Variants in TBC1D9 observed in about 807,000 individuals in gnomAD.
TBC1D9 encodes TBC1 domain family member 9, also known as TBC1 domain family member 9A.
In TBC1D9, 63 loss-of-function variants were observed where a neutral mutation model predicts 132.0. The observed-to-expected ratio is 0.48, with a 90% CI of 0.39 to 0.59. The LOEUF is 0.59. TBC1D9 is among the 20% of genes least tolerant of loss of function. The pLI is 0.00. For synonymous variants in TBC1D9, 610 were observed against 609.9 expected, an observed-to-expected ratio of 1.00 and a Z score of 0.00; for missense variants, 1,261 against 1,592.7, an observed-to-expected ratio of 0.79 and a Z score of 3.54.
intron 9 of TBC1D9, 63 bp from the exon 10 acceptor site, chr4:140,662,170 T>C: frequency 1.5e-6 from 2 of 1,304,158 alleles, no homozygotes; most frequent in Non-Finnish European, 2.2e-6. Context: ...GGTTTGCAAC[T>C]ACAGCTTATG....
intron 15 of TBC1D9, among the ~76,000 whole-genome samples, chr4:140,634,736 T>G (rs1736850969): frequency 1.3e-5 from 2 of 152,204 alleles, no homozygotes; most frequent in African/African-American, 4.8e-5. Context: ...CATAACCCCC[T>G]GCTTCCCTGC....
chr4:140,622,359 A>G lies in TBC1D9; in HGVS notation c.3637T>C (p.Phe1213Leu). Residue 1213 changes from phenylalanine to leucine, a missense_variant, in exon 21 of 21, where the codon TTC (phenylalanine) becomes CTC (leucine). Physicochemically the swap from Phe to Leu is conservative, Grantham distance 22. Coordinates refer to ENST00000442267, the MANE Select transcript of TBC1D9 (RefSeq NM_015130.3). ...TSLDRDWAIT[F>L]EQFLASLLTE... is the part of the protein sequence containing the mutation. ...AAGAGGGAGGCCAGGAACTGCTCGAAGGTGATGGCCCAGTCCCGGTCCAGG... is the reference window on the plus strand; with the variant it reads ...AAGAGGGAGGCCAGGAACTGCTCGAGGGTGATGGCCCAGTCCCGGTCCAGG... The G allele has an allele frequency of 6.2e-7, 1 of 1,613,600 alleles. No individual in the cohort carries two copies. Among genetic ancestry groups the G allele is most frequent in the Non-Finnish European group, 8.5e-7 (1 of 1,179,564 alleles).
chr4:140,679,618 C>T lies in TBC1D9; in HGVS notation c.586G>A (p.Glu196Lys). Reference protein sequence around the residue: ...LCFYSFLMGREAKLVIRWVDI... With the variant: ...LCFYSFLMGRKAKLVIRWVDI... ...GCTGAAATTTTAGATGACTTACCTT[C>T]CCTTCCCATAAGAAAAGAATAAAAG... The change falls in exon 4 of 21, where the codon GAA becomes AAA. Residue 196 changes from glutamate (E) to lysine (K), a missense_variant. By Grantham distance (56) the Glu-to-Lys change is moderately conservative. This residue lies in a region of TBC1D9 where 550 missense variants were observed against 699.0 expected (regional missense o/e 0.79). Transcript: ENST00000442267. 1 of 1,610,990 alleles carries T rather than the reference C, an allele frequency of 6.2e-7. No homozygotes were observed. Among genetic ancestry groups the T allele is most frequent in the Non-Finnish European group, 8.5e-7 (1 of 1,177,586 alleles).
intron 13 of TBC1D9, among the ~76,000 whole-genome samples, chr4:140,654,933 AATTTG>A (rs1315763790): frequency 6.6e-6 from 1 of 152,150 alleles, no homozygotes; most frequent in Non-Finnish European, 1.5e-5. Context: ...TAATACTGAA[AATTTG>A]GAAGAAATCG....
At chr4:140,632,394 G>A (rs1383185278) in intron 16 of TBC1D9, among the ~76,000 whole-genome samples, 1 of 151,924 alleles carries the variant, frequency 6.6e-6, no homozygotes, top group African/African-American at 2.4e-5. Flanking sequence ...TTTTAAAAAA[G>A]CAGACTGTAC....
chr4:140,674,205 A>G (rs956826378), intron 6 of TBC1D9, among the ~76,000 whole-genome samples: 1 of 152,180 alleles, frequency 6.6e-6, no homozygotes, highest in Non-Finnish European at 1.5e-5. Flanking sequence ...TGGTGAAAAA[A>G]CTTACAAAAT....
chr4:140,708,661 A>G (rs1053687779), intron 1 of TBC1D9, among the ~76,000 whole-genome samples: 1 of 152,160 alleles, frequency 6.6e-6, no homozygotes, highest in African/African-American at 2.4e-5. Context: ...TCAGCTCCAT[A>G]ATTATAAATG....
chr4:140,673,359 C>G (rs913279839), intron 6 of TBC1D9, among the ~76,000 whole-genome samples: 1 of 152,044 alleles, frequency 6.6e-6, no homozygotes, highest in South Asian at 2.1e-4. Context: ...AACAACAATT[C>G]TTGGTCTATA....
intron 6 of TBC1D9, 51 bp from the exon 7 acceptor site, chr4:140,670,977 A>AT: frequency 6.6e-7 from 1 of 1,508,474 alleles, no homozygotes; most frequent in Non-Finnish European, 9.2e-7. Flanking sequence ...ATTACCCAAT[A>AT]GCAGCCTATA....
intron 18 of TBC1D9, among the ~76,000 whole-genome samples, chr4:140,625,912 C>A (rs1284987684): frequency 6.6e-6 from 1 of 152,146 alleles, no homozygotes; most frequent in Non-Finnish European, 1.5e-5. Flanking sequence ...GATTCTAAGA[C>A]AGTTTTGGCT....
Position 140,670,887 on chromosome 4 carries a change from G to A in TBC1D9, c.1099C>T (p.Pro367Ser). The change falls in exon 7 of 21, where the codon CCC becomes TCC. Residue 367 changes from proline (P) to serine (S), a missense_variant. This residue lies in a region of TBC1D9 where 550 missense variants were observed against 699.0 expected (regional missense o/e 0.79). Transcript: ENST00000442267. Reference sequence around the variant, plus strand: ...CGGGTGCTGATGGATAAGGGACTGGGGAGCACACTGGAGCTGTCTGCCTTT... The same window carrying A: ...CGGGTGCTGATGGATAAGGGACTGGAGAGCACACTGGAGCTGTCTGCCTTT... ...VEKADSSSVL[P>S]SPLSISTRNR... 1 of 1,613,980 alleles carries A rather than the reference G, an allele frequency of 6.2e-7. No homozygotes were observed. Among genetic ancestry groups the A allele is most frequent in the Non-Finnish European group, 8.5e-7 (1 of 1,179,890 alleles).
chr4:140,755,079 T>C (rs1046331208), intron 1 of TBC1D9, among the ~76,000 whole-genome samples: 33 of 152,318 alleles, frequency 2.2e-4, no homozygotes, highest in Non-Finnish European at 2.1e-4. Context: ...TTCTGCTAAC[T>C]TTTTCACTGT....
intron 2 of TBC1D9, among the ~76,000 whole-genome samples, chr4:140,692,670 G>T (rs1281841995): frequency 6.6e-6 from 1 of 152,148 alleles, no homozygotes; most frequent in Non-Finnish European, 1.5e-5. Flanking sequence ...AGATGATAAT[G>T]ATAATGCCTT....
At position 140,756,094 on chromosome 4, in the gene TBC1D9, C is replaced by T. The variant is rs998554598; in HGVS notation, c.-49G>A. On this transcript the variant is annotated 5_prime_UTR_variant, in exon 1 of 21. Transcript: ENST00000442267. This position sits in a 1 kb window ranked among gnomAD's most constrained non-coding sequence, Gnocchi z 5.6. Reference sequence around the variant, plus strand: ...GCACAATGGGCCCGTGGGTCCAGTCCTGCACCCACCACCGCGACAGGCGCG... The same window carrying T: ...GCACAATGGGCCCGTGGGTCCAGTCTTGCACCCACCACCGCGACAGGCGCG... 4.0e-6 allele frequency: 6 copies of T among 1,504,088 alleles called. No individual in the cohort carries two copies. The African/African-American group carries it at 4.4e-5, about 11-fold the overall frequency. The allele number at this position is 1,504,088 out of a possible 1,614,324, so 93.2% of individuals were successfully genotyped here.
At chr4:140,623,463 A>C (rs1736656867) in intron 20 of TBC1D9, among the ~76,000 whole-genome samples, 1 of 152,224 alleles carries the variant, frequency 6.6e-6, no homozygotes, top group African/African-American at 2.4e-5. Flanking sequence ...CGAGTCAAGA[A>C]GGACTATGTC....
chr4:140,749,401 T>G (rs1738887807), intron 1 of TBC1D9, among the ~76,000 whole-genome samples: 1 of 151,924 alleles, frequency 6.6e-6, no homozygotes, highest in African/African-American at 2.4e-5. Flanking sequence ...GAAGGCAAAA[T>G]ACAAAGAACA....
At chr4:140,645,621 T>C (rs550113805) in intron 13 of TBC1D9, 2 of 242,704 alleles carry the variant, frequency 8.2e-6, no homozygotes, top group African/African-American at 4.6e-5. Flanking sequence ...ACAACACTCT[T>C]CCTTTGTTTA....
chr4:140,622,477 G>A lies in TBC1D9; in HGVS notation c.3519C>T (p.His1173=), dbSNP rs1006015580. Residue 1173 remains histidine (H), a synonymous_variant, in exon 21 of 21, where the codon CAC becomes CAT. Coordinates refer to ENST00000442267, the MANE Select transcript of TBC1D9 (RefSeq NM_015130.3). Reference sequence around the variant, plus strand: ...CCTCGCAGTGCAGCTTGTCCTCCTCGTGGGAGCCGGCACTCAGCACCGAGT... The same window carrying A: ...CCTCGCAGTGCAGCTTGTCCTCCTCATGGGAGCCGGCACTCAGCACCGAGT... ...SSYSVLSAGS[H]EEDKLHCEDI... The A allele has an allele frequency of 8.7e-6, 14 of 1,613,912 alleles. No individual in the cohort carries two copies. The highest frequency in any genetic ancestry group is 2.7e-5 in the African/African-American group (2 of 74,942).
chr4:140,669,627 C>T lies in TBC1D9; in HGVS notation c.1437+7G>A. The stretch of plus-strand genomic sequence containing the variant: ...CAAAGTTTCAGGGAAAAGTGAGAGG[C>T]ACCCACCAATTTCGGGTTGAACTCC... On this transcript the variant is annotated splice_region_variant and intron_variant, in intron 8 of 20. Transcript: ENST00000442267. 2.5e-6 allele frequency: 4 copies of T among 1,599,462 alleles called. No homozygotes were observed. Among genetic ancestry groups the T allele is most frequent in the Middle Eastern group, 1.7e-4 (1 of 6,004 alleles).
Sources: allele counts gnomAD v4.1 joint callset (sites outside exome capture counted in the v4.1 genomes callset), GRCh38; gene constraint gnomAD v4.1.1; regional missense constraint gnomAD v4.1.1; non-coding constraint Gnocchi (gnomAD v3.1); transcripts MANE v1.5; gene names NCBI Gene and HGNC (gene_info 2026-07-23, HGNC 2026-07-21).